Variants in NALF1 observed in about 807,000 individuals in gnomAD.
NALF1 encodes the protein NALCN channel auxiliary factor 1.
Under a neutral mutation model 48.4 loss-of-function variants are expected in NALF1, and 3 were observed. That is an observed-to-expected ratio of 0.06 (90% CI 0.03 to 0.16). The LOEUF (loss-of-function observed/expected upper bound fraction) is 0.16, where lower values mean the gene tolerates loss of function less well. Among genes scored for constraint, NALF1 ranks in the 10% least tolerant of loss-of-function variants. The pLI is 1.00. For synonymous variants in NALF1, 262 were observed against 245.7 expected (o/e 1.07, Z -0.62); for missense variants, 526 against 571.5 (o/e 0.92, Z 0.81).
intron 1 of NALF1, among the ~76,000 whole-genome samples, chr13:107,595,397 AAG>A (rs1878715189): frequency 6.6e-6 from 1 of 152,260 alleles, no homozygotes; most frequent in African/African-American, 2.4e-5. Context: ...AAATTGTTAA[AAG>A]AGAGTATCTC....
intron 1 of NALF1, among the ~76,000 whole-genome samples, chr13:107,635,379 C>A (rs111985623): frequency 2.0e-5 from 3 of 151,888 alleles, no homozygotes. Context: ...GGGAAACACT[C>A]CTTAAAAAAA....
At chr13:107,833,372 A>C (rs1373957198) in intron 1 of NALF1, among the ~76,000 whole-genome samples, 1 of 152,174 alleles carries the variant, frequency 6.6e-6, no homozygotes, top group Non-Finnish European at 1.5e-5. Context: ...TCTGTTGTCC[A>C]ATGTGCATTC....
chr13:107,343,210 T>C (rs1882713677), intron 1 of NALF1, among the ~76,000 whole-genome samples: 1 of 152,082 alleles, frequency 6.6e-6, no homozygotes, highest in Non-Finnish European at 1.5e-5. Flanking sequence ...AAACAAGAAA[T>C]CAATAGCAGT....
intron 1 of NALF1, among the ~76,000 whole-genome samples, chr13:107,586,664 T>C (rs1334446001): frequency 1.5e-5 from 2 of 129,198 alleles, no homozygotes; most frequent in African/African-American, 3.0e-5. Flanking sequence ...GGAATGAGTC[T>C]ACAAAATGCA....
chr13:107,328,546 T>C (rs1356193328), intron 1 of NALF1, among the ~76,000 whole-genome samples: 1 of 152,188 alleles, frequency 6.6e-6, no homozygotes, highest in African/African-American at 2.4e-5. Context: ...CTTTAAGAAA[T>C]GGCCTTGACA....
intron 1 of NALF1, among the ~76,000 whole-genome samples, chr13:107,434,315 A>C (rs1389488050): frequency 6.6e-6 from 1 of 152,200 alleles, no homozygotes; most frequent in Non-Finnish European, 1.5e-5. Flanking sequence ...TCATTGACAC[A>C]TAAGAAGTTA....
At chr13:107,197,156 C>G (rs1388898421) in intron 2 of NALF1, among the ~76,000 whole-genome samples, 1 of 152,166 alleles carries the variant, frequency 6.6e-6, no homozygotes, top group African/African-American at 2.4e-5. Flanking sequence ...TACAACACAG[C>G]TGGAAGACCC....
intron 1 of NALF1, among the ~76,000 whole-genome samples, chr13:107,269,631 T>C (rs1176971814): frequency 6.6e-6 from 1 of 152,106 alleles, no homozygotes. Context: ...TTCCCCATTA[T>C]ATTGTACTCT....
rs564941069 is a variant in NALF1 at position 107,694,230 on chromosome 13, G to A, written c.915+171452C>T. 5.3e-5 allele frequency among the ~76,000 whole-genome samples: 8 copies of A among 152,216 alleles called. No homozygotes were observed. The South Asian group carries it at 1.2e-3, about 24-fold the overall frequency. ...CTCAAGTAAGGAGTTTCTCAGCCTC[G>A]ATCCATGTTTTCAAATCAATTGGCA... On this transcript the variant is annotated intron_variant, in intron 1 of 2. Coordinates refer to ENST00000375915, the MANE Select transcript of NALF1 (RefSeq NM_001080396.3).
intron 1 of NALF1, among the ~76,000 whole-genome samples, chr13:107,322,517 T>TA (rs1038867372): frequency 2.6e-5 from 4 of 152,122 alleles, no homozygotes; most frequent in African/African-American, 7.2e-5. Context: ...CCTTTTGAAT[T>TA]AAAAAAATAC....
chr13:107,816,333 T>C (rs1055233043), intron 1 of NALF1, among the ~76,000 whole-genome samples: 5 of 152,074 alleles, frequency 3.3e-5, no homozygotes, highest in African/African-American at 9.7e-5. Flanking sequence ...CGAAGAAAAA[T>C]AGGTTTAATG....
intron 1 of NALF1, among the ~76,000 whole-genome samples, chr13:107,631,401 G>A (rs532596626): frequency 6.6e-6 from 1 of 152,158 alleles, no homozygotes; most frequent in East Asian, 1.9e-4. Context: ...ATAATAATGA[G>A]TCATATATTT....
At chr13:107,669,343 A>G (rs1880936865) in intron 1 of NALF1, among the ~76,000 whole-genome samples, 1 of 152,178 alleles carries the variant, frequency 6.6e-6, no homozygotes, top group Admixed American at 6.6e-5. Flanking sequence ...GCAGAATTGC[A>G]GCACACGCTT....
At chr13:107,209,264 T>C (rs1029536574) in intron 2 of NALF1, among the ~76,000 whole-genome samples, 2 of 152,136 alleles carry the variant, frequency 1.3e-5, no homozygotes, top group African/African-American at 4.8e-5. Flanking sequence ...CCAACACTTT[T>C]GGGAGGCCAA....
chr13:107,555,118 G>T (rs1223552352), intron 1 of NALF1, among the ~76,000 whole-genome samples: 8 of 152,004 alleles, frequency 5.3e-5, no homozygotes, highest in Non-Finnish European at 1.0e-4. Flanking sequence ...TAATCCAATT[G>T]ATCATTAAGC....
intron 1 of NALF1, among the ~76,000 whole-genome samples, chr13:107,408,753 G>C (rs1185805394): frequency 6.6e-6 from 1 of 152,058 alleles, no homozygotes; most frequent in Non-Finnish European, 1.5e-5. Flanking sequence ...GAGAGAGAAA[G>C]GCATATGGTA....
rs910336900 is a variant in NALF1 at position 107,762,065 on chromosome 13, T to C, written c.915+103617A>G. Among the ~76,000 whole-genome samples the C allele has an allele frequency of 1.2e-4, 18 of 152,286 alleles. No individual in the cohort carries two copies. The South Asian group carries it at 1.9e-3, about 16-fold the overall frequency. On this transcript the variant is annotated intron_variant, in intron 1 of 2. Transcript: ENST00000375915. ...TTTGTGTACCCAAGGGCACACAACT[T>C]GTAACTGACAAAATAAGATTCAAAT...
intron 1 of NALF1, among the ~76,000 whole-genome samples, chr13:107,292,752 T>A (rs989832217): frequency 6.6e-6 from 1 of 152,168 alleles, no homozygotes; most frequent in Non-Finnish European, 1.5e-5. Context: ...AAAAGTATAT[T>A]CTAAAATGAT....
At chr13:107,643,174 A>G (rs1322608024) in intron 1 of NALF1, among the ~76,000 whole-genome samples, 1 of 152,160 alleles carries the variant, frequency 6.6e-6, no homozygotes, top group Non-Finnish European at 1.5e-5. Context: ...CTTAATTCCC[A>G]AGAAGATGTT....
Sources: gnomAD v4.1 joint callset for allele counts (sites outside exome capture counted in the v4.1 genomes callset) on GRCh38, gnomAD v4.1.1 for gene constraint, MANE v1.5 for transcripts, NCBI Gene and HGNC (gene_info 2026-07-23, HGNC 2026-07-21) for gene names.